ANK2: variants seen among roughly 807,000 people sequenced by gnomAD.
ANK2 encodes ankyrin 2, also known as ankyrin-2.
In ANK2, 83 loss-of-function variants were observed where a neutral mutation model predicts 360.5. The observed-to-expected ratio is 0.23, with a 90% CI of 0.19 to 0.28. The LOEUF (loss-of-function observed/expected upper bound fraction) is 0.28. Among genes scored for constraint, ANK2 ranks in the 10% least tolerant of loss-of-function variants. The probability of loss-of-function intolerance (pLI) is 1.00; values close to 1 mark genes in which losing one functional copy is unlikely to be tolerated. For missense variants in ANK2, 4,201 were observed against 4,795.7 expected (o/e 0.88, Z 3.66); for synonymous variants, 1,740 against 1,759.5 (o/e 0.99, Z 0.28).
At chr4:113,228,981 C>A (rs1029243514) in intron 4 of ANK2, among the ~76,000 whole-genome samples, 2 of 152,126 alleles carry the variant, frequency 1.3e-5, no homozygotes, top group Admixed American at 1.3e-4. Flanking sequence ...GGCCTACCAC[C>A]CAGTCCCCTT....
intron 4 of ANK2, among the ~76,000 whole-genome samples, chr4:113,211,126 A>T (rs971536484): frequency 6.6e-6 from 1 of 152,212 alleles, no homozygotes; most frequent in African/African-American, 2.4e-5. Flanking sequence ...CAAATTCTAT[A>T]CATTCAACTG....
At chr4:113,179,125 TAA>T (rs1483669094) in intron 2 of ANK2, among the ~76,000 whole-genome samples, 2 of 152,178 alleles carry the variant, frequency 1.3e-5, no homozygotes, top group Non-Finnish European at 2.9e-5. Context: ...CCCAGGAAAG[TAA>T]AAGAGACAAC....
At chr4:112,893,257 G>T (rs1480282562) in intron 1 of ANK2, among the ~76,000 whole-genome samples, 1 of 152,104 alleles carries the variant, frequency 6.6e-6, no homozygotes, top group East Asian at 1.9e-4. Flanking sequence ...AAACCCAAGA[G>T]ATCCTCTCAC....
At position 113,355,159 on chromosome 4, in the gene ANK2, G is replaced by C; in HGVS notation, c.6541G>C (p.Asp2181His). 1 of 1,614,066 alleles carries C rather than the reference G, an allele frequency of 6.2e-7. No individual in the cohort carries two copies. The highest frequency in any genetic ancestry group is 8.5e-7 in the Non-Finnish European group (1 of 1,179,974). The change falls in exon 38 of 46, where the codon GAC (aspartate) becomes CAC (histidine). Residue 2181 changes from aspartate (D) to histidine (H), a missense_variant. Transcript: ENST00000357077. Reference sequence around the variant, plus strand: ...TCCTTTCAACACAACATTTCCACTCGACTACATGAAAGATGAGTTCCTTCC... The same window carrying C: ...TCCTTTCAACACAACATTTCCACTCCACTACATGAAAGATGAGTTCCTTCC... ...TSPFNTTFPL[D>H]YMKDEFLPAL...
chr4:113,257,438 T>A (rs1043840210), intron 11 of ANK2, among the ~76,000 whole-genome samples: 6 of 152,216 alleles, frequency 3.9e-5, no homozygotes, highest in Non-Finnish European at 8.8e-5. Context: ...AACAGTCATT[T>A]CTTTATACAA....
At chr4:112,759,471 A>G in the ANK2 span, among the ~76,000 whole-genome samples, 1 of 152,178 alleles carries the variant, frequency 6.6e-6, no homozygotes, top group African/African-American at 2.4e-5. Flanking sequence ...CCACATTTGA[A>G]TAGCTATTTT....
At chr4:113,310,739 T>C (rs987241829) in intron 23 of ANK2, among the ~76,000 whole-genome samples, 1 of 152,198 alleles carries the variant, frequency 6.6e-6, no homozygotes, top group Non-Finnish European at 1.5e-5. Context: ...TTAAATAATC[T>C]TTTTGGCTTT....
intron 9 of ANK2, among the ~76,000 whole-genome samples, chr4:113,242,612 C>T (rs2040587165): frequency 6.6e-6 from 1 of 152,166 alleles, no homozygotes; most frequent in Non-Finnish European, 1.5e-5. Context: ...CAATCTTTTG[C>T]TTCTAAGTAT....
chr4:112,940,142 A>G (rs985310057), intron 2 of ANK2, among the ~76,000 whole-genome samples: 5 of 152,168 alleles, frequency 3.3e-5, no homozygotes, highest in African/African-American at 1.2e-4. Flanking sequence ...TCGCGTTTCC[A>G]TTGCCTTAGT....
chr4:113,075,392 C>G (rs1304062723), intron 1 of ANK2, among the ~76,000 whole-genome samples: 1 of 152,124 alleles, frequency 6.6e-6, no homozygotes, highest in Non-Finnish European at 1.5e-5. Flanking sequence ...CTCTCCAGTT[C>G]CAGTCTTTAT....
intron 2 of ANK2, among the ~76,000 whole-genome samples, chr4:113,043,314 A>T (rs114710886): frequency 2.6e-5 from 4 of 152,256 alleles, no homozygotes; most frequent in Non-Finnish European, 4.4e-5. Context: ...ATGGAAAAGA[A>T]GAAGTATAGA....
upstream of ANK2, among the ~76,000 whole-genome samples, chr4:113,046,870 A>C (rs1012714653): frequency 2.0e-5 from 3 of 152,208 alleles, no homozygotes; most frequent in Non-Finnish European, 4.4e-5. Flanking sequence ...AGGCTGTCAG[A>C]ACATAATCAG....
At chr4:112,781,096 C>G in the ANK2 span, among the ~76,000 whole-genome samples, 1 of 152,060 alleles carries the variant, frequency 6.6e-6, no homozygotes, top group Non-Finnish European at 1.5e-5. Context: ...ACCTCCTGTG[C>G]TCAAGTGATT....
At chr4:113,171,196 C>G (rs1242523798) in intron 1 of ANK2, among the ~76,000 whole-genome samples, 1 of 152,166 alleles carries the variant, frequency 6.6e-6, no homozygotes, top group East Asian at 1.9e-4. Flanking sequence ...TTGGGAAACA[C>G]AGCATGGTAA....
intron 1 of ANK2, among the ~76,000 whole-genome samples, chr4:113,155,791 C>T (rs1239080306): frequency 1.3e-5 from 2 of 151,982 alleles, no homozygotes; most frequent in African/African-American, 4.8e-5. Context: ...TTTTGAAACT[C>T]TAAAAGGACA....
At chr4:113,230,514 CAAA>C (rs376508854) in intron 4 of ANK2, among the ~76,000 whole-genome samples, 3 of 137,264 alleles carry the variant, frequency 2.2e-5, no homozygotes, top group Admixed American at 1.5e-4. Context: ...GACTCCATCT[CAAA>C]AAAAAAAAAA....
At chr4:113,372,208 G>A (rs1261245970) in intron 43 of ANK2, among the ~76,000 whole-genome samples, 2 of 152,070 alleles carry the variant, frequency 1.3e-5, no homozygotes, top group Admixed American at 1.3e-4. Flanking sequence ...TTACAGTCAG[G>A]CTTTTTTTTT....
the ANK2 span, among the ~76,000 whole-genome samples, chr4:112,803,109 A>G: frequency 2.6e-5 from 4 of 151,928 alleles, no homozygotes. Context: ...CTCTTCCTTG[A>G]TCTCCTTTCA....
chr4:112,771,876 C>T, the ANK2 span, among the ~76,000 whole-genome samples: 5 of 152,156 alleles, frequency 3.3e-5, no homozygotes. Flanking sequence ...TGAGCCACCG[C>T]ACCTGGCCTA....
Sources: gnomAD v4.1 joint callset for allele counts (sites outside exome capture counted in the v4.1 genomes callset) on GRCh38, gnomAD v4.1.1 for gene constraint, MANE v1.5 for transcripts, NCBI Gene and HGNC (gene_info 2026-07-23, HGNC 2026-07-21) for gene names.